Variants in ADK observed in about 807,000 individuals in gnomAD.
ADK encodes N6,N6-dimethyladenosine kinase.
Under a neutral mutation model 44.7 loss-of-function variants are expected in ADK, and 24 were observed. The observed-to-expected ratio is 0.54, with a 90% CI of 0.39 to 0.76. The LOEUF (loss-of-function observed/expected upper bound fraction) is 0.76, where lower values mean the gene tolerates loss of function less well. Among genes scored for constraint, ADK ranks in the 30% least tolerant of loss-of-function variants. The probability of loss-of-function intolerance (pLI) is 0.00; values close to 1 mark genes in which losing one functional copy is unlikely to be tolerated. For missense variants in ADK, 321 were observed against 425.1 expected, an observed-to-expected ratio of 0.76 and a Z score of 2.15; for synonymous variants, 128 against 142.6, an observed-to-expected ratio of 0.90 and a Z score of 0.73.
chr10:74,456,535 C>T (rs1412821130), intron 6 of ADK, among the ~76,000 whole-genome samples: 2 of 151,614 alleles, frequency 1.3e-5, no homozygotes, highest in East Asian at 1.9e-4. Flanking sequence ...GGCGTGATGG[C>T]GGGTGCCTGT....
At chr10:74,304,158 G>A (rs193294920) in intron 3 of ADK, among the ~76,000 whole-genome samples, 1 of 152,166 alleles carries the variant, frequency 6.6e-6, no homozygotes, top group East Asian at 1.9e-4. Flanking sequence ...TTAGTACAGT[G>A]GGGATTGAGA....
chr10:74,547,463 TTTATTTA>T (rs2133760419), intron 7 of ADK, among the ~76,000 whole-genome samples: 1 of 144,012 alleles, frequency 6.9e-6, no homozygotes, highest in East Asian at 2.0e-4. Context: ...TATTTATTTA[TTTATTTA>T]TTTTTATTTT....
intron 6 of ADK, among the ~76,000 whole-genome samples, chr10:74,403,329 C>T (rs574499290): frequency 2.7e-4 from 41 of 152,228 alleles, no homozygotes; most frequent in South Asian, 8.3e-4. Flanking sequence ...TCAGCTATGC[C>T]CTGCCCCCAG....
chr10:74,495,791 G>T (rs1847664443), intron 6 of ADK, among the ~76,000 whole-genome samples: 2 of 152,124 alleles, frequency 1.3e-5, no homozygotes. Flanking sequence ...GGGTCTGAAA[G>T]TTCTGCTGTT....
At chr10:74,236,728 A>G (rs1415654828) in intron 3 of ADK, among the ~76,000 whole-genome samples, 1 of 152,218 alleles carries the variant, frequency 6.6e-6, no homozygotes, top group Admixed American at 6.5e-5. Flanking sequence ...CAATAAAGAG[A>G]AATACATGAA....
intron 8 of ADK, among the ~76,000 whole-genome samples, chr10:74,591,657 T>A (rs1851725651): frequency 6.6e-6 from 1 of 152,190 alleles, no homozygotes; most frequent in Admixed American, 6.5e-5. Flanking sequence ...ATCTTAATAG[T>A]TTTCTGTGTG....
chr10:74,206,167 G>T (rs7075956), intron 2 of ADK, among the ~76,000 whole-genome samples: 33 of 152,054 alleles, frequency 2.2e-4, no homozygotes, highest in African/African-American at 7.7e-4. Flanking sequence ...AAATTTTATC[G>T]TGTATTTCAA....
chr10:74,557,796 A>C (rs1850316543), intron 7 of ADK, among the ~76,000 whole-genome samples: 1 of 152,174 alleles, frequency 6.6e-6, no homozygotes, highest in Non-Finnish European at 1.5e-5. Flanking sequence ...GAGGTTATAC[A>C]TGGGTTGGCT....
chr10:74,425,605 G>A (rs1362648111), intron 6 of ADK, among the ~76,000 whole-genome samples: 1 of 152,118 alleles, frequency 6.6e-6, no homozygotes, highest in African/African-American at 2.4e-5. Flanking sequence ...TGAACGTGGA[G>A]TTGGGAAAAG....
chr10:74,472,718 A>G (rs1043542268), intron 6 of ADK, among the ~76,000 whole-genome samples: 1 of 152,216 alleles, frequency 6.6e-6, no homozygotes, highest in Non-Finnish European at 1.5e-5. Flanking sequence ...AAGTGCTCAT[A>G]TAGCCAAATA....
At chr10:74,476,256 G>A (rs2133325499) in intron 6 of ADK, among the ~76,000 whole-genome samples, 1 of 152,250 alleles carries the variant, frequency 6.6e-6, no homozygotes, top group Middle Eastern at 3.4e-3. Flanking sequence ...CACTTTGGGA[G>A]GCTGAGGCGG....
Position 74,369,009 on chromosome 10 carries a change from A to G in ADK, c.274-25132A>G, listed in dbSNP as rs113241889. ...ATTTTTCTCCAGGGTGTTGGTAACC[A>G]TTTATGCTGAGTTTAGCCATTTTAC... On this transcript the variant is annotated intron_variant, in intron 4 of 10. Coordinates refer to ENST00000539909, the MANE Select transcript of ADK (RefSeq NM_006721.4). Among the ~76,000 whole-genome samples, 763 of 152,244 alleles carry G rather than the reference A, an allele frequency of 5.0e-3. 12 individuals carry two copies. The highest frequency in any genetic ancestry group is 0.017 in the African/African-American group (711 of 41,542).
At chr10:74,495,308 T>C (rs1847643250) in intron 6 of ADK, among the ~76,000 whole-genome samples, 1 of 152,138 alleles carries the variant, frequency 6.6e-6, no homozygotes, top group African/African-American at 2.4e-5. Context: ...TCCTTTTTTT[T>C]CTCTTTCATT....
Position 74,536,564 on chromosome 10 carries a change from A to G in ADK, c.726+11138A>G, listed in dbSNP as rs936965681. Among the ~76,000 whole-genome samples the G allele has an allele frequency of 5.3e-5, 8 of 151,384 alleles. No individual in the cohort carries two copies. The South Asian group carries it at 1.0e-3, about 20-fold the overall frequency. Reference sequence around the variant, plus strand: ...ATCAGTGGCATTAAGTACATTTGCAATGTTGTACAGCCATCACCACTATTC... The same window carrying G: ...ATCAGTGGCATTAAGTACATTTGCAGTGTTGTACAGCCATCACCACTATTC... On this transcript the variant is annotated intron_variant, in intron 7 of 10. Transcript: ENST00000539909.
chr10:74,589,908 A>G (rs1364748194), intron 8 of ADK, among the ~76,000 whole-genome samples: 1 of 152,144 alleles, frequency 6.6e-6, no homozygotes, highest in Non-Finnish European at 1.5e-5. Context: ...TAAAATATAC[A>G]TACATTTTCT....
At position 74,612,047 on chromosome 10, in the gene ADK, C is replaced by T. The variant is rs139885298; in HGVS notation, c.877+11554C>T. On this transcript the variant is annotated intron_variant, in intron 9 of 10. Coordinates refer to ENST00000539909, the MANE Select transcript of ADK (RefSeq NM_006721.4). ...CTGTTTTTAGTTCTTTGAGAAAGTT[C>T]CAAACTGCTTTCCACAGGGGCCAAA... is the stretch of plus-strand genomic sequence containing the variant. Among the ~76,000 whole-genome samples the T allele has an allele frequency of 5.9e-4, 90 of 152,202 alleles. No homozygotes were observed. In the East Asian group the frequency reaches 0.017, roughly 29 times the overall value.
chr10:74,529,808 CT>C (rs1849211191), intron 7 of ADK, among the ~76,000 whole-genome samples: 2 of 152,124 alleles, frequency 1.3e-5, no homozygotes, highest in African/African-American at 4.8e-5. Context: ...TTTAGAACAT[CT>C]GTCATTACGT....
At chr10:74,201,672 G>GTATCTATCTATCTATC (rs1219010013) in intron 2 of ADK, among the ~76,000 whole-genome samples, 1 of 134,596 alleles carries the variant, frequency 7.4e-6, no homozygotes, top group Non-Finnish European at 1.5e-5. Context: ...ATGTATGTAT[G>GTATCTATCTATCTATC]TATGTATCTA....
intron 10 of ADK, among the ~76,000 whole-genome samples, chr10:74,691,128 A>G (rs1855974933): frequency 6.6e-6 from 1 of 152,186 alleles, no homozygotes; most frequent in Non-Finnish European, 1.5e-5. Flanking sequence ...TCTGGTAATC[A>G]TTGGTATAGG....
Sources: allele counts gnomAD v4.1 joint callset (sites outside exome capture counted in the v4.1 genomes callset), GRCh38; gene constraint gnomAD v4.1.1; transcripts MANE v1.5; gene names NCBI Gene and HGNC (gene_info 2026-07-23, HGNC 2026-07-21).